Variants in TNFRSF10B observed in about 807,000 individuals in gnomAD.
The protein encoded by TNFRSF10B is tumor necrosis factor receptor superfamily member 10B.
In TNFRSF10B, 35 loss-of-function variants were observed where a neutral mutation model predicts 41.4. The observed-to-expected ratio is 0.85, with a 90% CI of 0.65 to 1.12. The LOEUF (loss-of-function observed/expected upper bound fraction) is 1.12, where lower values mean the gene tolerates loss of function less well. Among genes scored for constraint, TNFRSF10B ranks in the 50% most tolerant of loss-of-function variants. The probability of loss-of-function intolerance (pLI) is 0.00; values close to 1 mark genes in which losing one functional copy is unlikely to be tolerated. For missense variants in TNFRSF10B, 584 were observed against 552.7 expected, an observed-to-expected ratio of 1.06 and a Z score of -0.57; for synonymous variants, 230 against 215.5, an observed-to-expected ratio of 1.07 and a Z score of -0.59.
chr8:23,024,005 T>A (rs917897865), intron 8 of TNFRSF10B, among the ~76,000 whole-genome samples, 183 bp downstream of exon 8: 4 of 151,970 alleles, frequency 2.6e-5, no homozygotes, highest in African/African-American at 9.7e-5. Context: ...GCAGAGAGGA[T>A]GAGGTAGAGT....
chr8:23,047,594 GAA>G (rs941034248), intron 1 of TNFRSF10B, among the ~76,000 whole-genome samples: 2 of 143,220 alleles, frequency 1.4e-5, no homozygotes, highest in Non-Finnish European at 3.1e-5. Context: ...ACAGATATTT[GAA>G]AAAAAAAAAC....
At chr8:23,040,142 C>T (rs965909338) in intron 2 of TNFRSF10B, among the ~76,000 whole-genome samples, 1 of 150,802 alleles carries the variant, frequency 6.6e-6, no homozygotes, top group Admixed American at 6.6e-5. Context: ...GATCGCACCA[C>T]TGCACTCCAG....
chr8:23,023,088 C>CGT, intron 8 of TNFRSF10B, 104 bp from the exon 9 acceptor site: 1 of 1,431,892 alleles, frequency 7.0e-7, no homozygotes, highest in Non-Finnish European at 9.5e-7. Context: ...TGGAGAGCCC[C>CGT]GTGTGCGGGC....
intron 7 of TNFRSF10B, among the ~76,000 whole-genome samples, chr8:23,025,448 A>C (rs1351118830): frequency 6.6e-6 from 1 of 152,208 alleles, no homozygotes; most frequent in African/African-American, 2.4e-5. Context: ...AAAATCTTAT[A>C]ATTCTAAATT....
chr8:23,041,595 CAAT>C (rs1372767464), intron 2 of TNFRSF10B, among the ~76,000 whole-genome samples: 1 of 129,690 alleles, frequency 7.7e-6, no homozygotes, highest in African/African-American at 2.9e-5. Flanking sequence ...TCATGTGACT[CAAT>C]GATTTAAAAA....
At chr8:23,055,521 TAA>T (rs34761330) in intron 1 of TNFRSF10B, among the ~76,000 whole-genome samples, 16,561 of 120,334 alleles carry the variant, frequency 0.14, 1,099 homozygotes, top group African/African-American at 0.2. Context: ...ATTAAATGCT[TAA>T]AAAAAAAAAA....
chr8:23,049,767 T>C (rs528624119), intron 1 of TNFRSF10B: 1 of 151,130 alleles, frequency 6.6e-6, no homozygotes, highest in Admixed American at 6.6e-5. Context: ...TATTGGGCAG[T>C]GAGATTCACC....
rs114648946 is a variant in TNFRSF10B, at chr8:23,063,739, G to T, written c.144+5012C>A. On this transcript the variant is annotated intron_variant, in intron 1 of 8. Coordinates refer to ENST00000276431, the MANE Select transcript of TNFRSF10B (RefSeq NM_003842.5). Reference sequence around the variant, plus strand: ...AATGCTGTCCAGGCCACACCTGAGTGCACCCACCTAGTCCACTCTCCACTG... The same window carrying T: ...AATGCTGTCCAGGCCACACCTGAGTTCACCCACCTAGTCCACTCTCCACTG... Among the ~76,000 whole-genome samples the T allele has an allele frequency of 9.8e-3, 1,486 of 152,228 alleles. 30 individuals are homozygous for T. Among genetic ancestry groups the T allele is most frequent in the African/African-American group, 0.034 (1,404 of 41,524 alleles).
At chr8:23,031,065 C>A (rs1408804944) in intron 2 of TNFRSF10B, among the ~76,000 whole-genome samples, 193 bp from the exon 3 acceptor site, 1 of 152,126 alleles carries the variant, frequency 6.6e-6, no homozygotes, top group East Asian at 1.9e-4. Context: ...ATATAAGCCA[C>A]ACATTTATTT....
chr8:23,065,235 G>C (rs143456603), intron 1 of TNFRSF10B, among the ~76,000 whole-genome samples: 1 of 152,138 alleles, frequency 6.6e-6, no homozygotes, highest in Non-Finnish European at 1.5e-5. Flanking sequence ...TCCTGTCCCC[G>C]CCGCCAAGCA....
intron 1 of TNFRSF10B, among the ~76,000 whole-genome samples, chr8:23,060,313 T>A (rs1173884175): frequency 6.6e-6 from 1 of 152,248 alleles, no homozygotes; most frequent in African/African-American, 2.4e-5. Flanking sequence ...AGCTATTTTT[T>A]AAATACAATG....
chr8:23,051,167 A>C (rs560205704), intron 1 of TNFRSF10B, among the ~76,000 whole-genome samples: 1 of 152,008 alleles, frequency 6.6e-6, no homozygotes, highest in Non-Finnish European at 1.5e-5. Context: ...TACTGAAGAT[A>C]TACAAAAGAG....
chr8:23,033,585 CAAAAAAAAAAAAAAAAAAAAAAAAAAAA>C (rs59282000), intron 2 of TNFRSF10B, among the ~76,000 whole-genome samples: 2 of 62,276 alleles, frequency 3.2e-5, no homozygotes, highest in African/African-American at 1.5e-4. Context: ...GACTCCGTCT[CAAAAAAAAAAAAAAAAAAAAAAAAAAAA>C]AAAAAAAAGA....
intron 2 of TNFRSF10B, among the ~76,000 whole-genome samples, chr8:23,035,678 G>T (rs1469606360): frequency 6.6e-6 from 1 of 152,122 alleles, no homozygotes; most frequent in Non-Finnish European, 1.5e-5. Flanking sequence ...GAATGATGTG[G>T]CACATAAGAT....
At chr8:23,054,501 T>C (rs1358941238) in intron 1 of TNFRSF10B, among the ~76,000 whole-genome samples, 1 of 152,236 alleles carries the variant, frequency 6.6e-6, no homozygotes, top group East Asian at 1.9e-4. Flanking sequence ...TTTGCATAAG[T>C]GCAGTAAGAA....
chr8:23,056,371 G>A (rs775107761), intron 1 of TNFRSF10B, among the ~76,000 whole-genome samples: 3 of 152,208 alleles, frequency 2.0e-5, no homozygotes, highest in Non-Finnish European at 4.4e-5. Flanking sequence ...TATGAAATGT[G>A]AAGTTAAGTG....
rs534015076 is a variant in TNFRSF10B, at chr8:23,057,675, C to A, written c.144+11076G>T. On this transcript the variant is annotated intron_variant, in intron 1 of 8. Transcript: ENST00000276431. Reference sequence around the variant, plus strand: ...TTGAACTCCTGACCTCAGGTGAATCCGCCTACCTTGGCCTCCCAAAGTGCT... The same window carrying A: ...TTGAACTCCTGACCTCAGGTGAATCAGCCTACCTTGGCCTCCCAAAGTGCT... Among the ~76,000 whole-genome samples the A allele has an allele frequency of 2.0e-5, 3 of 152,026 alleles. No individual in the cohort carries two copies. In the East Asian group the frequency reaches 5.8e-4, roughly 30 times the overall value.
intron 1 of TNFRSF10B, among the ~76,000 whole-genome samples, chr8:23,055,625 A>G (rs1268486698): frequency 6.6e-6 from 1 of 152,144 alleles, no homozygotes; most frequent in Non-Finnish European, 1.5e-5. Context: ...AAAGCATGAC[A>G]AAATAATGGA....
chr8:23,068,445 G>C, intron 1 of TNFRSF10B: 1 of 489,558 alleles, frequency 2.0e-6, no homozygotes, highest in Admixed American at 3.7e-5. Flanking sequence ...CAAAATCAAA[G>C]TCCGACGACC....
Sources: allele counts gnomAD v4.1 joint callset (sites outside exome capture counted in the v4.1 genomes callset), GRCh38; gene constraint gnomAD v4.1.1; transcripts MANE v1.5; gene names NCBI Gene and HGNC (gene_info 2026-07-23, HGNC 2026-07-21).